The following CALHM4 variants were observed in gnomAD, a reference collection of about 807,000 sequenced individuals.
The protein encoded by CALHM4 is calcium homeostasis modulator protein 4.
In CALHM4, 16 loss-of-function variants were observed where a neutral mutation model predicts 13.3. The observed-to-expected ratio is 1.20, with a 90% CI of 0.81 to 1.82. The LOEUF (loss-of-function observed/expected upper bound fraction) is 1.82. Ranked by LOEUF, CALHM4 falls within the 40% of genes most tolerant of loss-of-function variation. CALHM4 has a pLI of 0.00. For missense variants in CALHM4, 344 were observed against 374.9 expected (o/e 0.92, Z 0.68); for synonymous variants, 127 against 137.1 (o/e 0.93, Z 0.52).
At chr6:116,539,434 G>T (rs1562352945) in intron 1 of CALHM4, among the ~76,000 whole-genome samples, 2 of 152,040 alleles carry the variant, frequency 1.3e-5, no homozygotes, top group African/African-American at 2.4e-5. Flanking sequence ...CATTTGGATT[G>T]TATTTTTAAT....
At chr6:116,555,797 A>C (rs1275181867) in intron 1 of CALHM4, among the ~76,000 whole-genome samples, 1 of 152,204 alleles carries the variant, frequency 6.6e-6, no homozygotes, top group Non-Finnish European at 1.5e-5. Context: ...CCTTGAATTC[A>C]AATCTTTTCT....
intron 1 of CALHM4, among the ~76,000 whole-genome samples, chr6:116,533,511 C>T (rs955215141): frequency 1.3e-5 from 2 of 152,226 alleles, no homozygotes; most frequent in East Asian, 1.9e-4. Flanking sequence ...ATAATTCCAG[C>T]GTGAGAGAGC....
chr6:116,535,216 G>A (rs189680516), intron 1 of CALHM4, among the ~76,000 whole-genome samples: 1 of 152,320 alleles, frequency 6.6e-6, no homozygotes, highest in Admixed American at 6.5e-5. Context: ...AAGAATGACA[G>A]CTGAAAGAGG....
chr6:116,534,015 C>A (rs1000641122), intron 1 of CALHM4, among the ~76,000 whole-genome samples: 1 of 152,170 alleles, frequency 6.6e-6, no homozygotes, highest in East Asian at 1.9e-4. Flanking sequence ...CCTTCCCCAA[C>A]AAGATTTGAA....
chr6:116,536,884 C>G (rs888463229), intron 1 of CALHM4, among the ~76,000 whole-genome samples: 5 of 152,132 alleles, frequency 3.3e-5, no homozygotes, highest in Non-Finnish European at 7.3e-5. Flanking sequence ...TCTGCCTCCT[C>G]TGAGGAGAGT....
chr6:116,557,528 T>C (rs964511272), intron 1 of CALHM4, among the ~76,000 whole-genome samples: 4 of 152,204 alleles, frequency 2.6e-5, no homozygotes, highest in Non-Finnish European at 5.9e-5. Flanking sequence ...GTAAGGTTAA[T>C]TGGTGGGTTA....
chr6:116,539,629 A>C (rs758147760), intron 1 of CALHM4, among the ~76,000 whole-genome samples: 4 of 152,168 alleles, frequency 2.6e-5, no homozygotes, highest in Non-Finnish European at 4.4e-5. Context: ...ATGGTATAGA[A>C]TGACAGCCAT....
intron 1 of CALHM4, among the ~76,000 whole-genome samples, chr6:116,537,268 T>C (rs1158782032): frequency 6.6e-6 from 1 of 152,182 alleles, no homozygotes; most frequent in Non-Finnish European, 1.5e-5. Context: ...TTCATCAGAA[T>C]GGTTGATAAG....
chr6:116,542,651 G>T (rs983732167), intron 1 of CALHM4, among the ~76,000 whole-genome samples: 5 of 152,044 alleles, frequency 3.3e-5, no homozygotes, highest in African/African-American at 1.2e-4. Flanking sequence ...AAAATCAAAA[G>T]GTGGAATTTG....
intron 1 of CALHM4, among the ~76,000 whole-genome samples, chr6:116,532,256 CT>C (rs1042814129): frequency 6.6e-6 from 1 of 152,118 alleles, no homozygotes; most frequent in African/African-American, 2.4e-5. Context: ...TATTTTCTCT[CT>C]TTTTTGTCTT....
rs1562367422 is a variant in CALHM4, at chr6:116,558,117, G to GTGA, written c.855_857dup (p.Asp286dup). ...TCAGTACCCACTCTTTTATGCATGG[G>GTGA]TGATGACTTGCAAGGTCACTATAGC... is the stretch of plus-strand genomic sequence containing the variant. On this transcript the variant is annotated inframe_insertion, in exon 2 of 2. Coordinates refer to ENST00000368596, the MANE Select transcript of CALHM4 (RefSeq NM_001366078.2). 1 of 1,614,164 alleles carries GTGA rather than the reference G, an allele frequency of 6.2e-7. No homozygotes were observed. The highest frequency in any genetic ancestry group is 8.5e-7 in the Non-Finnish European group (1 of 1,180,012).
At chr6:116,557,630 T>G (rs183413518) in intron 1 of CALHM4, among the ~76,000 whole-genome samples, 195 bp from the exon 2 acceptor site, 5 of 152,338 alleles carry the variant, frequency 3.3e-5, no homozygotes, top group Admixed American at 3.3e-4. Flanking sequence ...TTGAAATGGC[T>G]GGGCCTATGC....
chr6:116,548,784 G>A (rs1773920107), upstream of CALHM4, among the ~76,000 whole-genome samples: 1 of 152,092 alleles, frequency 6.6e-6, no homozygotes, highest in African/African-American at 2.4e-5. Flanking sequence ...GCCTACAGTT[G>A]AGCAAAATCA....
intron 1 of CALHM4, among the ~76,000 whole-genome samples, chr6:116,539,969 A>G (rs1301002553): frequency 6.6e-6 from 1 of 152,176 alleles, no homozygotes; most frequent in African/African-American, 2.4e-5. Context: ...ATACTCTGGG[A>G]ATGACTAAAC....
chr6:116,555,729 C>T (rs560951927), intron 1 of CALHM4, among the ~76,000 whole-genome samples: 3 of 152,322 alleles, frequency 2.0e-5, no homozygotes, highest in Admixed American at 1.3e-4. Flanking sequence ...GTCTCAGTCA[C>T]ATTTCAAGAA....
At chr6:116,540,696 G>T (rs1773396444) in intron 1 of CALHM4, among the ~76,000 whole-genome samples, 1 of 152,044 alleles carries the variant, frequency 6.6e-6, no homozygotes, top group South Asian at 2.1e-4. Context: ...AGAAGAGTCT[G>T]CCTAGAATCA....
At chr6:116,533,301 T>G (rs1190676831) in intron 1 of CALHM4, among the ~76,000 whole-genome samples, 1 of 152,190 alleles carries the variant, frequency 6.6e-6, no homozygotes, top group Non-Finnish European at 1.5e-5. Flanking sequence ...GAGGTAGTGG[T>G]TGTATTTAAC....
upstream of CALHM4, among the ~76,000 whole-genome samples, chr6:116,550,001 TATATATATATA>T (rs1227990918): frequency 1.8e-3 from 229 of 129,486 alleles, 2 homozygotes; most frequent in African/African-American, 7.5e-3. Context: ...TATATATATA[TATATATATATA>T]TATATATATA....
chr6:116,541,297 G>C (rs1366313393), intron 1 of CALHM4, among the ~76,000 whole-genome samples: 2 of 152,202 alleles, frequency 1.3e-5, no homozygotes, highest in Non-Finnish European at 2.9e-5. Flanking sequence ...ATCTAGCTGA[G>C]AAAATGTGAC....
Sources: allele counts gnomAD v4.1 joint callset (sites outside exome capture counted in the v4.1 genomes callset), GRCh38; gene constraint gnomAD v4.1.1; transcripts MANE v1.5; gene names NCBI Gene and HGNC (gene_info 2026-07-23, HGNC 2026-07-21).